Variants in USP8 observed in about 807,000 individuals in gnomAD.
USP8 encodes the protein ubiquitin carboxyl-terminal hydrolase 8.
In USP8, 27 loss-of-function variants were observed where a neutral mutation model predicts 130.0. The observed-to-expected ratio is 0.21, with a 90% CI of 0.15 to 0.29. The LOEUF (loss-of-function observed/expected upper bound fraction) is 0.29. Ranked by LOEUF, USP8 falls within the 10% of genes least tolerant of loss-of-function variation. The pLI is 1.00. For missense variants in USP8, 1,029 were observed against 1,312.2 expected, an observed-to-expected ratio of 0.78 and a Z score of 3.33; for synonymous variants, 392 against 444.1, an observed-to-expected ratio of 0.88 and a Z score of 1.48.
chr15:50,468,064 T>A (rs1288832754), intron 7 of USP8, among the ~76,000 whole-genome samples: 2 of 151,698 alleles, frequency 1.3e-5, no homozygotes, highest in Non-Finnish European at 2.9e-5. Flanking sequence ...GCCCCCTGAG[T>A]AGCTGGGATT....
At chr15:50,449,844 G>T (rs2050562998) in intron 4 of USP8, among the ~76,000 whole-genome samples, 1 of 147,440 alleles carries the variant, frequency 6.8e-6, no homozygotes, top group Admixed American at 6.9e-5. Flanking sequence ...GCCTCCCAAA[G>T]TGCTGGGATT....
chr15:50,493,455 C>T lies in USP8; in HGVS notation c.2447+542C>T, dbSNP rs745665793. On this transcript the variant is annotated intron_variant, in intron 15 of 19. Transcript: ENST00000307179. ...TTAGGAAAGGGGAAAATATCTTTAT[C>T]CTTAGGAATAATGAAGGCTGGGCAT... 6 of 518,876 alleles carry T rather than the reference C, an allele frequency of 1.2e-5. No homozygotes were observed. In the Admixed American group the frequency reaches 1.2e-4, roughly 10 times the overall value. The allele number at this position is 518,876 out of a possible 1,614,324, so 32.1% of individuals were successfully genotyped here.
At chr15:50,456,411 A>G (rs1464161725) in intron 4 of USP8, among the ~76,000 whole-genome samples, 1 of 151,492 alleles carries the variant, frequency 6.6e-6, no homozygotes. Context: ...CTCTACTAAA[A>G]ATACAAAAAT....
intron 4 of USP8, among the ~76,000 whole-genome samples, chr15:50,454,497 A>T (rs1271605391): frequency 7.0e-6 from 1 of 141,956 alleles, no homozygotes; most frequent in African/African-American, 2.7e-5. Context: ...TGTCTCACCC[A>T]GGCTGGAGTG....
intron 7 of USP8, among the ~76,000 whole-genome samples, chr15:50,468,105 T>G (rs1030871206): frequency 5.3e-5 from 8 of 151,924 alleles, no homozygotes; most frequent in Non-Finnish European, 1.2e-4. Context: ...CCAGCTAATT[T>G]TTTAATTTTT....
chr15:50,448,382 A>AGTATCTAATGATTGACCTCTT (rs1286334860), intron 3 of USP8, among the ~76,000 whole-genome samples: 1 of 152,186 alleles, frequency 6.6e-6, no homozygotes, highest in African/African-American at 2.4e-5. Context: ...ATCTGATTGT[A>AGTATCTAATGATTGACCTCTT]GTATCTAATG....
At chr15:50,484,578 G>A (rs752401736) in intron 12 of USP8, among the ~76,000 whole-genome samples, 5 of 152,132 alleles carry the variant, frequency 3.3e-5, no homozygotes, top group Non-Finnish European at 4.4e-5. Flanking sequence ...GTGTGACAGC[G>A]TATTCTATTT....
chr15:50,463,454 A>T (rs997084494), intron 6 of USP8: 7 of 152,364 alleles, frequency 4.6e-5, no homozygotes, highest in African/African-American at 1.7e-4. Context: ...TACTTGGATC[A>T]GAGAAAAGGT....
At chr15:50,435,313 T>C (rs190633571) in intron 1 of USP8, among the ~76,000 whole-genome samples, 289 of 152,368 alleles carry the variant, frequency 1.9e-3, no homozygotes, top group South Asian at 3.5e-3. Flanking sequence ...CTGAACCATG[T>C]ACAGAGTTTT....
intron 1 of USP8, among the ~76,000 whole-genome samples, chr15:50,425,384 A>G (rs1304241219): frequency 3.3e-5 from 5 of 152,214 alleles, no homozygotes; most frequent in South Asian, 2.1e-4. Flanking sequence ...TTAAGGAAGT[A>G]TTCCTGTTTT....
rs2052559411 is a variant in USP8, at chr15:50,500,280, C to G, written c.*1192C>G. 6.5e-6 allele frequency: 1 copy of G among 153,376 alleles called. No homozygotes were observed. The highest frequency in any genetic ancestry group is 1.5e-5 in the Non-Finnish European group (1 of 68,798). The allele number at this position is 153,376 out of a possible 1,614,324, so 9.5% of individuals were successfully genotyped here. On this transcript the variant is annotated 3_prime_UTR_variant, in exon 20 of 20. Transcript: ENST00000307179. Reference sequence around the variant, plus strand: ...AAATCATATTCTTAAACTCATCGAGCCATTTGAACAAAAATTATTTTTGTT... The same window carrying G: ...AAATCATATTCTTAAACTCATCGAGGCATTTGAACAAAAATTATTTTTGTT...
At chr15:50,466,560 A>C (rs1384956714) in intron 7 of USP8, among the ~76,000 whole-genome samples, 2 of 150,056 alleles carry the variant, frequency 1.3e-5, no homozygotes, top group Non-Finnish European at 3.0e-5. Flanking sequence ...ACGGCACTGC[A>C]CTCCAGCCTG....
chr15:50,433,771 A>G (rs955011293), intron 1 of USP8, among the ~76,000 whole-genome samples: 9 of 151,982 alleles, frequency 5.9e-5, no homozygotes, highest in Admixed American at 3.9e-4. Flanking sequence ...GTGCCCGGCT[A>G]ATTTTTTGTC....
chr15:50,485,128 A>T (rs1287618536), intron 12 of USP8, among the ~76,000 whole-genome samples: 1 of 152,172 alleles, frequency 6.6e-6, no homozygotes, highest in East Asian at 1.9e-4. Context: ...ATTTTATGTT[A>T]TGTGTATTTC....
chr15:50,425,224 G>C (rs1332926386), intron 1 of USP8, among the ~76,000 whole-genome samples: 3 of 152,206 alleles, frequency 2.0e-5, no homozygotes, highest in Non-Finnish European at 4.4e-5. Context: ...GTGTTGCAGA[G>C]CCTAAGGAAT....
At position 50,500,781 on chromosome 15, in the gene USP8, G is replaced by T. The variant is rs1231837197; in HGVS notation, c.*1693G>T. 6 of 1,589,338 alleles carry T rather than the reference G, an allele frequency of 3.8e-6. No homozygotes were observed. Among genetic ancestry groups the T allele is most frequent in the Non-Finnish European group, 5.1e-6 (6 of 1,167,352 alleles). ...TATCAAAGCTATATCAGGCCTGGGT[G>T]ACTGAATTCTTGCAGAAAGCAGTGT... On this transcript the variant is annotated 3_prime_UTR_variant, in exon 20 of 20. Coordinates refer to ENST00000307179, the MANE Select transcript of USP8 (RefSeq NM_005154.5).
At chr15:50,480,129 C>T (rs1000460357) in intron 10 of USP8, among the ~76,000 whole-genome samples, 3 of 152,112 alleles carry the variant, frequency 2.0e-5, no homozygotes, top group African/African-American at 7.2e-5. Context: ...TTGTTATTGG[C>T]ACATGTTCTT....
At position 50,504,529 on chromosome 15, in the gene USP8, CA is replaced by C. The variant is rs2052631331; in HGVS notation, c.*5446del. The C allele has an allele frequency of 6.6e-6, 1 of 151,972 alleles. No individual in the cohort carries two copies. The highest frequency in any genetic ancestry group is 6.6e-5 in the Admixed American group (1 of 15,236). 9.4% of individuals were successfully genotyped at this position (151,972 alleles called of 1,614,324 possible). A position where few individuals can be genotyped will look rare whatever the true frequency, so the allele number is the denominator to read the frequency against. On this transcript the variant is annotated 3_prime_UTR_variant, in exon 20 of 20. Transcript: ENST00000307179. Reference sequence around the variant, plus strand: ...CAGAATGAGACCTTGTCTCAAAAAACAAAAACAAAAAACACCAGAAAAGACA... The same window carrying C: ...CAGAATGAGACCTTGTCTCAAAAAACAAAACAAAAAACACCAGAAAAGACA...
chr15:50,439,690 T>C (rs2050187978), intron 2 of USP8, among the ~76,000 whole-genome samples: 1 of 151,398 alleles, frequency 6.6e-6, no homozygotes, highest in East Asian at 1.9e-4. Flanking sequence ...CTCGGGAGGC[T>C]GAGGCAAGAG....
Sources: allele counts gnomAD v4.1 joint callset (sites outside exome capture counted in the v4.1 genomes callset), GRCh38; gene constraint gnomAD v4.1.1; transcripts MANE v1.5; gene names NCBI Gene and HGNC (gene_info 2026-07-23, HGNC 2026-07-21).